The following FMNL2 variants were observed in gnomAD, a reference collection of about 807,000 sequenced individuals.
FMNL2 encodes formin-like protein 2.
A neutral mutation model predicts 130.2 loss-of-function variants in FMNL2; 51 were observed. That is an observed-to-expected ratio of 0.39 (90% CI 0.31 to 0.49). The LOEUF (loss-of-function observed/expected upper bound fraction) is 0.49. FMNL2 is among the 20% of genes least tolerant of loss of function. The probability of loss-of-function intolerance (pLI) is 0.85; values close to 1 mark genes in which losing one functional copy is unlikely to be tolerated. For missense variants in FMNL2, 977 were observed against 1,316.2 expected, an observed-to-expected ratio of 0.74 and a Z score of 3.99; for synonymous variants, 465 against 467.1, an observed-to-expected ratio of 1.00 and a Z score of 0.06.
At chr2:152,338,782 C>G (rs546547240) in intron 1 of FMNL2, among the ~76,000 whole-genome samples, 1 of 151,218 alleles carries the variant, frequency 6.6e-6, no homozygotes, top group East Asian at 1.9e-4. Flanking sequence ...CCATTTGCTT[C>G]CCTGTATTGA....
chr2:152,457,122 G>A (rs1172140494), intron 1 of FMNL2, among the ~76,000 whole-genome samples: 1 of 151,754 alleles, frequency 6.6e-6, no homozygotes, highest in Non-Finnish European at 1.5e-5. Context: ...TTAGAGTTGT[G>A]GACAAGAAGT....
intron 1 of FMNL2, among the ~76,000 whole-genome samples, chr2:152,459,679 G>A (rs1558881011): frequency 1.3e-5 from 2 of 152,152 alleles, no homozygotes; most frequent in African/African-American, 2.4e-5. Flanking sequence ...TCTACCTATT[G>A]TAAATAAAAG....
intron 1 of FMNL2, among the ~76,000 whole-genome samples, chr2:152,474,837 G>A (rs1690059742): frequency 6.6e-6 from 1 of 152,194 alleles, no homozygotes; most frequent in Non-Finnish European, 1.5e-5. Flanking sequence ...TTCTTTATCT[G>A]ATGTCTGGGA....
chr2:152,639,846 C>CGAAT, intron 23 of FMNL2, 112 bp from the exon 24 acceptor site: 1 of 862,796 alleles, frequency 1.2e-6, no homozygotes. Flanking sequence ...TCTCAACCTT[C>CGAAT]CATTTATTGT....
At chr2:152,592,698 A>C (rs551994154) in intron 9 of FMNL2, among the ~76,000 whole-genome samples, 7 of 152,300 alleles carry the variant, frequency 4.6e-5, no homozygotes, top group Non-Finnish European at 8.8e-5. Flanking sequence ...TAGATGCACC[A>C]TCTGAGGTAG....
intron 7 of FMNL2, among the ~76,000 whole-genome samples, chr2:152,576,482 C>T (rs2105698589): frequency 6.6e-6 from 1 of 152,168 alleles, no homozygotes; most frequent in East Asian, 1.9e-4. Flanking sequence ...TGTAAATAGC[C>T]CTGTGAGATC....
intron 9 of FMNL2, among the ~76,000 whole-genome samples, chr2:152,582,198 G>T (rs1009052662): frequency 1.3e-5 from 2 of 152,182 alleles, no homozygotes; most frequent in Non-Finnish European, 2.9e-5. Context: ...TGAAGTTGTG[G>T]CCTTATTGTT....
chr2:152,350,764 G>T (rs942905220), intron 1 of FMNL2, among the ~76,000 whole-genome samples: 1 of 152,158 alleles, frequency 6.6e-6, no homozygotes, highest in South Asian at 2.1e-4. Flanking sequence ...TACAAAGAAG[G>T]CTGGGCACGG....
At chr2:152,392,320 C>CA (rs1458034276) in intron 1 of FMNL2, among the ~76,000 whole-genome samples, 4 of 152,130 alleles carry the variant, frequency 2.6e-5, no homozygotes, top group African/African-American at 9.7e-5. Flanking sequence ...CTCTCCCCCC[C>CA]ACTCATCACA....
At chr2:152,427,536 C>T (rs928680739) in intron 1 of FMNL2, among the ~76,000 whole-genome samples, 25 of 152,122 alleles carry the variant, frequency 1.6e-4, no homozygotes, top group Admixed American at 4.6e-4. Flanking sequence ...TAGAGTGAGA[C>T]TCCTTCTTAA....
At chr2:152,612,512 C>T (rs1418925191) in intron 11 of FMNL2, among the ~76,000 whole-genome samples, 1 of 152,144 alleles carries the variant, frequency 6.6e-6, no homozygotes, top group Non-Finnish European at 1.5e-5. Context: ...AGAGCGAGAC[C>T]CTGTGTCTAA....
At chr2:152,398,135 A>G (rs915248414) in intron 1 of FMNL2, among the ~76,000 whole-genome samples, 3 of 152,160 alleles carry the variant, frequency 2.0e-5, no homozygotes, top group African/African-American at 7.2e-5. Flanking sequence ...GAAAAAAAAT[A>G]AATAAAATAA....
At chr2:152,590,482 C>T (rs1697367167) in intron 9 of FMNL2, among the ~76,000 whole-genome samples, 1 of 151,976 alleles carries the variant, frequency 6.6e-6, no homozygotes, top group Admixed American at 6.6e-5. Context: ...AGCTGGGTGG[C>T]ATGTGCCTGT....
Position 152,619,165 on chromosome 2 carries a change from AGCCTT to A in FMNL2, c.1627+9_1627+13del. 6.5e-7 allele frequency: 1 copy of A among 1,543,040 alleles called. No individual in the cohort carries two copies. The highest frequency in any genetic ancestry group is 2.3e-5 in the East Asian group (1 of 44,234). On this transcript the variant is annotated splice_region_variant and intron_variant, in intron 14 of 25. Coordinates refer to ENST00000288670, the MANE Select transcript of FMNL2 (RefSeq NM_052905.4). ...TCAGACACACCTGAAACAGGTAAGA[AGCCTT>A]GGCAGGAGGACTGAGGAAGTTTTGG...
intron 1 of FMNL2, among the ~76,000 whole-genome samples, chr2:152,470,075 G>C (rs1442862886): frequency 1.3e-5 from 2 of 152,118 alleles, no homozygotes; most frequent in Non-Finnish European, 1.5e-5. Context: ...CTTTGTGTCT[G>C]TGTTATTTCT....
At chr2:152,627,506 T>A (rs1681871594) in intron 17 of FMNL2, among the ~76,000 whole-genome samples, 1 of 152,216 alleles carries the variant, frequency 6.6e-6, no homozygotes, top group Non-Finnish European at 1.5e-5. Context: ...TTGTTCCAAT[T>A]TTGTGTCCTC....
intron 1 of FMNL2, among the ~76,000 whole-genome samples, chr2:152,394,353 T>C (rs1347072256): frequency 6.6e-6 from 1 of 152,146 alleles, no homozygotes; most frequent in African/African-American, 2.4e-5. Context: ...AGCAAACCAA[T>C]TGTGGGTTGC....
At chr2:152,418,381 A>G (rs1043472130) in intron 1 of FMNL2, among the ~76,000 whole-genome samples, 1 of 152,154 alleles carries the variant, frequency 6.6e-6, no homozygotes, top group African/African-American at 2.4e-5. Context: ...TGGTGGTGCA[A>G]TGATCTTCAC....
At chr2:152,565,981 A>G (rs536665036) in intron 6 of FMNL2, among the ~76,000 whole-genome samples, 2 of 152,100 alleles carry the variant, frequency 1.3e-5, no homozygotes, top group Non-Finnish European at 2.9e-5. Flanking sequence ...CGGTCTCACT[A>G]TGTTGCCCAG....
Sources: allele counts gnomAD v4.1 joint callset (sites outside exome capture counted in the v4.1 genomes callset), GRCh38; gene constraint gnomAD v4.1.1; transcripts MANE v1.5; gene names NCBI Gene and HGNC (gene_info 2026-07-23, HGNC 2026-07-21).